PCED1B: variants seen among roughly 807,000 people sequenced by gnomAD.
The protein encoded by PCED1B is PC-esterase domain containing 1B.
For synonymous variants in PCED1B, 251 were observed against 246.1 expected, an observed-to-expected ratio of 1.02 and a Z score of -0.19; for missense variants, 573 against 573.9, an observed-to-expected ratio of 1.00 and a Z score of 0.02.
At chr12:47,094,334 G>A (rs1938386536) in intron 1 of PCED1B, among the ~76,000 whole-genome samples, 1 of 152,054 alleles carries the variant, frequency 6.6e-6, no homozygotes. Flanking sequence ...TATTAGATTT[G>A]AAGATTTGGG....
In PCED1B at chr12:47,130,111, A is replaced by G. The variant is rs138565423; in HGVS notation, c.-526+25916A>G. 2.1e-3 allele frequency among the ~76,000 whole-genome samples: 317 copies of G among 152,346 alleles called. 2 individuals are homozygous for G. Among genetic ancestry groups the G allele is most frequent in the Middle Eastern group, 0.014 (4 of 294 alleles). Reference sequence around the variant, plus strand: ...AGTTAACATGCTACTGTTCAAAAGTAGTTTGAGAGCCATTGAGTTGTAGGA... The same window carrying G: ...AGTTAACATGCTACTGTTCAAAAGTGGTTTGAGAGCCATTGAGTTGTAGGA... On this transcript the variant is annotated intron_variant, in intron 2 of 3. Transcript: ENST00000546455.
chr12:47,211,380 G>A (rs543513853), intron 2 of PCED1B, among the ~76,000 whole-genome samples: 7 of 152,104 alleles, frequency 4.6e-5, no homozygotes, highest in Admixed American at 2.6e-4. Context: ...GGCCAGGTGC[G>A]GTGACTCACG....
At chr12:47,188,790 T>TG (rs1371162841) in intron 2 of PCED1B, among the ~76,000 whole-genome samples, 2 of 152,224 alleles carry the variant, frequency 1.3e-5, no homozygotes, top group Non-Finnish European at 2.9e-5. Context: ...AGAGGACCAT[T>TG]GGGAGCATAT....
chr12:47,093,541 T>C (rs1227544340), intron 1 of PCED1B, among the ~76,000 whole-genome samples: 1 of 152,006 alleles, frequency 6.6e-6, no homozygotes, highest in Non-Finnish European at 1.5e-5. Flanking sequence ...ACTTAAATCA[T>C]TGATTTTCAG....
intron 2 of PCED1B, among the ~76,000 whole-genome samples, chr12:47,212,420 C>A (rs942507083): frequency 5.9e-5 from 9 of 152,170 alleles, no homozygotes; most frequent in African/African-American, 1.9e-4. Context: ...GAGCTTACAG[C>A]CTTAGAGAAA....
intron 1 of PCED1B, among the ~76,000 whole-genome samples, chr12:47,091,049 G>A (rs1467789143): frequency 6.6e-6 from 1 of 151,928 alleles, no homozygotes. Flanking sequence ...TTTCTAGTAG[G>A]TGTATGCCTT....
chr12:47,094,540 T>G (rs1039489977), intron 1 of PCED1B, among the ~76,000 whole-genome samples: 9 of 152,212 alleles, frequency 5.9e-5, no homozygotes, highest in African/African-American at 1.9e-4. Context: ...TTTTAATTAT[T>G]CAAGGATTTC....
At chr12:47,141,037 A>G (rs1314911225) in intron 2 of PCED1B, among the ~76,000 whole-genome samples, 1 of 152,192 alleles carries the variant, frequency 6.6e-6, no homozygotes, top group Admixed American at 6.5e-5. Flanking sequence ...GGTACTTAAA[A>G]GGATGAGACT....
chr12:47,231,396 T>C (rs898074686), intron 3 of PCED1B, among the ~76,000 whole-genome samples: 1 of 1,430 alleles, frequency 7.0e-4, no homozygotes, highest in East Asian at 0.023. Flanking sequence ...TAGGAGATAA[T>C]TGGAGAGGGT....
rs568162800 is a variant in PCED1B at position 47,152,704 on chromosome 12, G to A, written c.-526+48509G>A. Among the ~76,000 whole-genome samples the A allele has an allele frequency of 7.2e-5, 11 of 152,326 alleles. No homozygotes were observed. The South Asian group carries it at 2.3e-3, about 32-fold the overall frequency. On this transcript the variant is annotated intron_variant, in intron 2 of 3. Coordinates refer to ENST00000546455, the MANE Select transcript of PCED1B (RefSeq NM_138371.3). ...CCAGCACTTTGGGAGTCCGAGGCAG[G>A]TGGATCACCTGAGGTCAGGAGTTCA...
At chr12:47,177,590 G>A (rs1449717682) in intron 2 of PCED1B, among the ~76,000 whole-genome samples, 2 of 152,150 alleles carry the variant, frequency 1.3e-5, no homozygotes, top group African/African-American at 4.8e-5. Context: ...TTGTACTGAT[G>A]CCTTAGTCCA....
At chr12:47,110,711 G>A (rs1184724301) in intron 2 of PCED1B, among the ~76,000 whole-genome samples, 4 of 152,150 alleles carry the variant, frequency 2.6e-5, no homozygotes, top group Non-Finnish European at 5.9e-5. Flanking sequence ...ATCAATGAAA[G>A]GTATGAGGTT....
intron 2 of PCED1B, among the ~76,000 whole-genome samples, chr12:47,110,873 C>T (rs1436117401): frequency 1.3e-5 from 2 of 152,190 alleles, no homozygotes; most frequent in Non-Finnish European, 2.9e-5. Flanking sequence ...TGATGTCCCG[C>T]ATCACAGTTG....
At chr12:47,148,310 A>T (rs1230155549) in intron 2 of PCED1B, among the ~76,000 whole-genome samples, 2 of 152,202 alleles carry the variant, frequency 1.3e-5, no homozygotes, top group Admixed American at 6.5e-5. Context: ...TTTAGAGGGG[A>T]CATTAAATCC....
intron 2 of PCED1B, among the ~76,000 whole-genome samples, chr12:47,169,127 G>T (rs1331671937): frequency 6.6e-6 from 1 of 152,136 alleles, no homozygotes; most frequent in Non-Finnish European, 1.5e-5. Flanking sequence ...ACACAGAAGT[G>T]GAAATGAAGA....
intron 3 of PCED1B, among the ~76,000 whole-genome samples, chr12:47,217,316 T>C (rs1012910377): frequency 2.0e-5 from 3 of 150,946 alleles, no homozygotes; most frequent in African/African-American, 7.3e-5. Context: ...GTGGGAGGAT[T>C]GATTGAGCCT....
At chr12:47,217,495 A>AGAAC in intron 3 of PCED1B, among the ~76,000 whole-genome samples, 1 of 138,208 alleles carries the variant, frequency 7.2e-6, no homozygotes, top group Non-Finnish European at 1.5e-5. Flanking sequence ...AAAGAAAGAA[A>AGAAC]GAAAGAAAGA....
chr12:47,166,215 A>G lies in PCED1B; in HGVS notation c.-525-50007A>G, dbSNP rs139843607. On this transcript the variant is annotated intron_variant, in intron 2 of 3. Coordinates refer to ENST00000546455, the MANE Select transcript of PCED1B (RefSeq NM_138371.3). Reference sequence around the variant, plus strand: ...TTAACTTTGATAAGCACTAGTTAACAAACCCAGACGGTCTAATCACATTGG... The same window carrying G: ...TTAACTTTGATAAGCACTAGTTAACGAACCCAGACGGTCTAATCACATTGG... Among the ~76,000 whole-genome samples, 445 of 152,338 alleles carry G rather than the reference A, an allele frequency of 2.9e-3. 6 individuals carry two copies. In the South Asian group the frequency reaches 0.036, roughly 12 times the overall value.
intron 3 of PCED1B, among the ~76,000 whole-genome samples, chr12:47,220,142 G>C (rs1214266156): frequency 1.3e-5 from 2 of 150,984 alleles, no homozygotes; most frequent in Non-Finnish European, 2.9e-5. Flanking sequence ...CCATTTACTA[G>C]CTGGGCAACC....
Sources: gnomAD v4.1 joint callset for allele counts (sites outside exome capture counted in the v4.1 genomes callset) on GRCh38, gnomAD v4.1.1 for gene constraint, MANE v1.5 for transcripts, NCBI Gene and HGNC (gene_info 2026-07-23, HGNC 2026-07-21) for gene names.